RCBTB2: variants seen among roughly 807,000 people sequenced by gnomAD.
RCBTB2 encodes the protein RCC1 and BTB domain-containing protein 2.
A neutral mutation model predicts 65.4 loss-of-function variants in RCBTB2; 55 were observed. The observed-to-expected ratio is 0.84, with a 90% CI of 0.68 to 1.05. The LOEUF (loss-of-function observed/expected upper bound fraction) is 1.05, where lower values mean the gene tolerates loss of function less well. RCBTB2 is among the 50% of genes least tolerant of loss of function. The pLI is 0.00. For missense variants in RCBTB2, 599 were observed against 680.1 expected, an observed-to-expected ratio of 0.88 and a Z score of 1.33; for synonymous variants, 220 against 255.2, an observed-to-expected ratio of 0.86 and a Z score of 1.31.
chr13:48,518,989 T>C (rs1160718881), intron 4 of RCBTB2, among the ~76,000 whole-genome samples: 1 of 152,216 alleles, frequency 6.6e-6, no homozygotes, highest in Non-Finnish European at 1.5e-5. Flanking sequence ...ATAATGTCTA[T>C]ATCTTATATC....
At chr13:48,509,540 T>C (rs564938488) in intron 10 of RCBTB2, among the ~76,000 whole-genome samples, 20 of 152,204 alleles carry the variant, frequency 1.3e-4, no homozygotes, top group Non-Finnish European at 2.8e-4. Context: ...TGCAGGCATC[T>C]ACCTGCACCA....
intron 12 of RCBTB2, 32 bp downstream of exon 12, chr13:48,501,710 T>C: frequency 6.3e-7 from 1 of 1,580,742 alleles, no homozygotes; most frequent in Non-Finnish European, 8.7e-7. Flanking sequence ...AACGAATTAC[T>C]TTTCTCAATT....
intron 9 of RCBTB2, 43 bp downstream of exon 9, chr13:48,511,727 G>A (rs377670396): frequency 1.3e-4 from 195 of 1,520,496 alleles, no homozygotes; most frequent in Non-Finnish European, 1.5e-4. Context: ...CTTTGCCAGC[G>A]AAGACTTAAA....
At chr13:48,501,175 C>A (rs1810825274) in intron 12 of RCBTB2, among the ~76,000 whole-genome samples, 1 of 152,150 alleles carries the variant, frequency 6.6e-6, no homozygotes, top group African/African-American at 2.4e-5. Flanking sequence ...GGATGTGGGG[C>A]AGTGGTTTCA....
At chr13:48,504,037 G>A (rs1326575299) in intron 10 of RCBTB2, among the ~76,000 whole-genome samples, 2 of 152,118 alleles carry the variant, frequency 1.3e-5, no homozygotes, top group African/African-American at 4.8e-5. Context: ...CAGAACTTCA[G>A]GGTCATCTTT....
rs891314764 is a variant in RCBTB2 at position 48,522,302 on chromosome 13, T to A, written c.-24+6A>T. ...TTCCTGTGATAAGGAAAAATAAATTTTAGACCTTTGTCAACTTTTCTCTGG... is the reference window on the plus strand; with the variant it reads ...TTCCTGTGATAAGGAAAAATAAATTATAGACCTTTGTCAACTTTTCTCTGG... On this transcript the variant is annotated splice_donor_region_variant and intron_variant, in intron 3 of 14. Transcript: ENST00000344532. 6.6e-7 allele frequency: 1 copy of A among 1,507,012 alleles called. No individual in the cohort carries two copies. Among genetic ancestry groups the A allele is most frequent in the African/African-American group, 1.4e-5 (1 of 72,512 alleles). The allele number at this position is 1,507,012 out of a possible 1,614,324, so 93.4% of individuals were successfully genotyped here. A position where few individuals can be genotyped will look rare whatever the true frequency, so the allele number is the denominator to read the frequency against.
At chr13:48,505,456 G>A (rs1950453705) in intron 10 of RCBTB2, among the ~76,000 whole-genome samples, 1 of 152,204 alleles carries the variant, frequency 6.6e-6, no homozygotes, top group African/African-American at 2.4e-5. Context: ...CCAGTGCTGT[G>A]CAAAAGAACC....
At chr13:48,501,073 T>C (rs915999732) in intron 12 of RCBTB2, among the ~76,000 whole-genome samples, 6 of 152,010 alleles carry the variant, frequency 3.9e-5, no homozygotes, top group African/African-American at 1.5e-4. Context: ...CTCTAGAAAA[T>C]GCTAACTCAG....
chr13:48,524,502 A>G (rs1407743027), intron 2 of RCBTB2, among the ~76,000 whole-genome samples, 157 bp downstream of exon 2: 4 of 152,242 alleles, frequency 2.6e-5, no homozygotes, highest in Non-Finnish European at 5.9e-5. Context: ...AATCAGTGTC[A>G]GAGCCAGTAT....
intron 14 of RCBTB2, among the ~76,000 whole-genome samples, chr13:48,494,031 G>A (rs1008000115): frequency 6.6e-6 from 1 of 152,174 alleles, no homozygotes; most frequent in Non-Finnish European, 1.5e-5. Flanking sequence ...TTTAAAATGT[G>A]CCCAATCTTG....
At position 48,491,814 on chromosome 13, in the gene RCBTB2, G is replaced by A. The variant is rs370408375; in HGVS notation, c.1516-1563C>T. 107 of 152,278 alleles carry A rather than the reference G, an allele frequency of 7.0e-4. 7 individuals are homozygous for A. The highest frequency in any genetic ancestry group is 2.6e-3 in the Admixed American group (40 of 15,298). 9.4% of individuals were successfully genotyped at this position (152,278 alleles called of 1,614,324 possible). A position where few individuals can be genotyped will look rare whatever the true frequency, so the allele number is the denominator to read the frequency against. The stretch of plus-strand genomic sequence containing the variant: ...GCTCCTTTACTTTATTCTAGAGTGG[G>A]ATCTTCCCCTAAATACTAAATTAAG... On this transcript the variant is annotated intron_variant, in intron 14 of 14. Transcript: ENST00000344532.
chr13:48,498,703 C>T (rs986000047), intron 13 of RCBTB2, among the ~76,000 whole-genome samples: 1 of 151,836 alleles, frequency 6.6e-6, no homozygotes, highest in East Asian at 1.9e-4. Context: ...GCACTCCAGC[C>T]TGGGCAACAA....
chr13:48,508,421 T>A (rs1047813407), intron 10 of RCBTB2, among the ~76,000 whole-genome samples: 1 of 152,108 alleles, frequency 6.6e-6, no homozygotes, highest in Admixed American at 6.5e-5. Flanking sequence ...TGTTTTTTTT[T>A]TTTTTGAGAC....
At chr13:48,516,743 A>C (rs764219681) in intron 4 of RCBTB2, among the ~76,000 whole-genome samples, 23 of 152,238 alleles carry the variant, frequency 1.5e-4, no homozygotes, top group Non-Finnish European at 2.6e-4. Flanking sequence ...GCATACATTA[A>C]GATCACGAGC....
intron 2 of RCBTB2, 126 bp from the exon 3 acceptor site, chr13:48,522,529 A>C: frequency 1.7e-6 from 1 of 605,276 alleles, no homozygotes; most frequent in Admixed American, 2.9e-5. Flanking sequence ...CAATGCACTA[A>C]ATGTTCTTGC....
chr13:48,502,963 C>T, intron 10 of RCBTB2, 49 bp from the exon 11 acceptor site: 1 of 1,481,450 alleles, frequency 6.8e-7, no homozygotes, highest in Non-Finnish European at 9.1e-7. Flanking sequence ...GGGGCAGAAA[C>T]AAGTTGGGTC....
intron 10 of RCBTB2, among the ~76,000 whole-genome samples, 162 bp from the exon 11 acceptor site, chr13:48,503,076 C>T (rs909271741): frequency 6.6e-6 from 1 of 152,160 alleles, no homozygotes; most frequent in Non-Finnish European, 1.5e-5. Context: ...GACTCATACA[C>T]CTCATCTCCT....
At chr13:48,525,543 A>G (rs533202774) in intron 1 of RCBTB2, among the ~76,000 whole-genome samples, 1 of 151,232 alleles carries the variant, frequency 6.6e-6, no homozygotes, top group African/African-American at 2.4e-5. Context: ...ACTCTATCCT[A>G]TTTTATCTTG....
chr13:48,518,716 T>C (rs981363197), intron 4 of RCBTB2, among the ~76,000 whole-genome samples: 6 of 151,872 alleles, frequency 4.0e-5, no homozygotes, highest in Non-Finnish European at 1.5e-5. Flanking sequence ...ATTTAAAATT[T>C]GTATTTCTTC....
Sources: allele counts gnomAD v4.1 joint callset (sites outside exome capture counted in the v4.1 genomes callset), GRCh38; gene constraint gnomAD v4.1.1; transcripts MANE v1.5; gene names NCBI Gene and HGNC (gene_info 2026-07-23, HGNC 2026-07-21).